Variants in CPNE8 observed in about 807,000 individuals in gnomAD.
CPNE8 encodes the protein copine 8.
CPNE8 carries 45 observed loss-of-function variants against 81.5 expected under a neutral mutation model. The observed-to-expected ratio is 0.55, with a 90% CI of 0.44 to 0.71. The LOEUF is 0.71. CPNE8 is among the 30% of genes least tolerant of loss of function. The pLI is 0.00. For missense variants in CPNE8, 594 were observed against 672.1 expected, an observed-to-expected ratio of 0.88 and a Z score of 1.28; for synonymous variants, 252 against 226.3, an observed-to-expected ratio of 1.11 and a Z score of -1.02.
intron 3 of CPNE8, among the ~76,000 whole-genome samples, chr12:38,867,335 T>TGA (rs1390611747): frequency 7.5e-4 from 107 of 143,164 alleles, no homozygotes; most frequent in East Asian, 2.5e-3. Flanking sequence ...TGTGTGTGTG[T>TGA]GTGTGAGAGA....
intron 10 of CPNE8, among the ~76,000 whole-genome samples, chr12:38,731,548 C>T (rs1199577479): frequency 6.6e-6 from 1 of 151,806 alleles, no homozygotes; most frequent in Non-Finnish European, 1.5e-5. Context: ...CCTTTATTCT[C>T]CCTAAACTAT....
At chr12:38,707,513 A>G (rs977623932) in intron 13 of CPNE8, among the ~76,000 whole-genome samples, 1 of 152,134 alleles carries the variant, frequency 6.6e-6, no homozygotes, top group Non-Finnish European at 1.5e-5. Context: ...GGCAGGACCA[A>G]TGAGCACTGT....
chr12:38,738,335 T>C (rs1329471863), intron 10 of CPNE8, among the ~76,000 whole-genome samples: 2 of 152,182 alleles, frequency 1.3e-5, no homozygotes, highest in African/African-American at 4.8e-5. Context: ...GTCTACCCAG[T>C]ACAAAGTTAT....
intron 6 of CPNE8, among the ~76,000 whole-genome samples, chr12:38,797,298 C>A (rs994459492): frequency 6.6e-6 from 1 of 152,180 alleles, no homozygotes; most frequent in East Asian, 1.9e-4. Context: ...GAGGCACCCC[C>A]CAGTAGGGGC....
intron 1 of CPNE8, among the ~76,000 whole-genome samples, chr12:38,875,931 T>C (rs1015081859): frequency 1.3e-5 from 2 of 152,306 alleles, no homozygotes; most frequent in African/African-American, 4.8e-5. Context: ...TATACAAAGG[T>C]AGTTCTTCAC....
At chr12:38,814,630 G>A (rs1942994426) in intron 6 of CPNE8, among the ~76,000 whole-genome samples, 1 of 151,852 alleles carries the variant, frequency 6.6e-6, no homozygotes, top group Non-Finnish European at 1.5e-5. Context: ...TATTTATGTG[G>A]CTTTTATTTT....
chr12:38,780,166 A>T (rs1056730250), intron 6 of CPNE8, among the ~76,000 whole-genome samples: 35 of 152,132 alleles, frequency 2.3e-4, no homozygotes, highest in Non-Finnish European at 5.9e-5. Flanking sequence ...TATTAAAGGG[A>T]CTATCTGCTC....
At chr12:38,819,730 G>A (rs1270036916) in intron 6 of CPNE8, among the ~76,000 whole-genome samples, 8 of 130,764 alleles carry the variant, frequency 6.1e-5, no homozygotes, top group African/African-American at 2.3e-4. Flanking sequence ...TCACACCACT[G>A]CACTCTAGCC....
intron 6 of CPNE8, among the ~76,000 whole-genome samples, chr12:38,823,146 T>A (rs1943132044): frequency 6.6e-6 from 1 of 152,184 alleles, no homozygotes; most frequent in African/African-American, 2.4e-5. Flanking sequence ...CTGTGTCAAA[T>A]CTTCAAGCCA....
At chr12:38,897,626 T>A (rs906778187) in intron 1 of CPNE8, among the ~76,000 whole-genome samples, 10 of 150,378 alleles carry the variant, frequency 6.6e-5, no homozygotes, top group Non-Finnish European at 1.2e-4. Flanking sequence ...TCTATATTAA[T>A]ACACACTATT....
At chr12:38,704,382 G>A (rs761195366) in intron 13 of CPNE8, among the ~76,000 whole-genome samples, 5 of 150,192 alleles carry the variant, frequency 3.3e-5, no homozygotes, top group East Asian at 1.9e-4. Context: ...GTATGTGTGC[G>A]TGTGTGTGTG....
intron 3 of CPNE8, among the ~76,000 whole-genome samples, chr12:38,855,739 T>A (rs1248481752): frequency 2.0e-5 from 3 of 152,076 alleles, no homozygotes; most frequent in Non-Finnish European, 4.4e-5. Flanking sequence ...ACCACAAAAA[T>A]AATAATAAGT....
intron 5 of CPNE8, among the ~76,000 whole-genome samples, chr12:38,832,750 C>T (rs1319314001): frequency 3.3e-5 from 5 of 151,958 alleles, no homozygotes; most frequent in African/African-American, 4.8e-5. Flanking sequence ...AGGATGGTCT[C>T]GAACTCCTGA....
intron 7 of CPNE8, among the ~76,000 whole-genome samples, chr12:38,771,537 T>C (rs1352836656): frequency 6.6e-6 from 1 of 152,170 alleles, no homozygotes; most frequent in Non-Finnish European, 1.5e-5. Flanking sequence ...TACTGTGGCA[T>C]TTAATTAAAT....
At chr12:38,735,026 T>C (rs1188900765) in intron 10 of CPNE8, among the ~76,000 whole-genome samples, 1 of 152,120 alleles carries the variant, frequency 6.6e-6, no homozygotes, top group Non-Finnish European at 1.5e-5. Flanking sequence ...TGAGAATTTG[T>C]AAACAAATTG....
At chr12:38,818,363 C>T (rs1473310898) in intron 6 of CPNE8, among the ~76,000 whole-genome samples, 1 of 152,150 alleles carries the variant, frequency 6.6e-6, no homozygotes, top group Non-Finnish European at 1.5e-5. Context: ...TCAACTCCCT[C>T]TTATGAATGA....
intron 7 of CPNE8, among the ~76,000 whole-genome samples, chr12:38,771,502 A>G (rs892128515): frequency 3.3e-5 from 5 of 152,124 alleles, no homozygotes; most frequent in South Asian, 2.1e-4. Context: ...CACTCCCAAC[A>G]TAATTTCTAA....
At chr12:38,796,132 A>G (rs149605382) in intron 6 of CPNE8, among the ~76,000 whole-genome samples, 1,814 of 152,116 alleles carry the variant, frequency 0.012, 65 homozygotes, top group Admixed American at 0.048. Flanking sequence ...CCAAAAACAT[A>G]AAAAATTAGC....
intron 13 of CPNE8, among the ~76,000 whole-genome samples, chr12:38,716,279 C>T (rs188816016): frequency 6.6e-6 from 1 of 152,118 alleles, no homozygotes; most frequent in East Asian, 1.9e-4. Context: ...TTATTCTTGA[C>T]AGAATGAGTA....
Sources: gnomAD v4.1 joint callset for allele counts (sites outside exome capture counted in the v4.1 genomes callset) on GRCh38, gnomAD v4.1.1 for gene constraint, MANE v1.5 for transcripts, NCBI Gene and HGNC (gene_info 2026-07-23, HGNC 2026-07-21) for gene names.